ATP2B2: variants seen among roughly 807,000 people sequenced by gnomAD.
ATP2B2 encodes ATPase plasma membrane Ca2+ transporting 2, also known as plasma membrane calcium-transporting ATPase 2.
ATP2B2 carries 15 observed loss-of-function variants against 120.0 expected under a neutral mutation model. The observed-to-expected ratio is 0.12, with a 90% CI of 0.08 to 0.19. The LOEUF is 0.19. ATP2B2 is among the 10% of genes least tolerant of loss of function. The pLI, the probability that ATP2B2 is intolerant of heterozygous loss-of-function variation, is 1.00. For synonymous variants in ATP2B2, 694 were observed against 700.3 expected, an observed-to-expected ratio of 0.99 and a Z score of 0.14; for missense variants, 1,045 against 1,719.8, an observed-to-expected ratio of 0.61 and a Z score of 6.94.
chr3:10,704,758 T>A (rs977872500), intron 1 of ATP2B2, among the ~76,000 whole-genome samples: 10 of 152,306 alleles, frequency 6.6e-5, no homozygotes, highest in Admixed American at 3.9e-4. Context: ...CCAGTTTGAA[T>A]TAATGAAAAG....
intron 5 of ATP2B2, among the ~76,000 whole-genome samples, chr3:10,397,244 G>A (rs1032451490): frequency 5.3e-5 from 8 of 152,196 alleles, no homozygotes; most frequent in East Asian, 1.9e-4. Flanking sequence ...CAGAGCTCCC[G>A]GCTGCTCAGA....
chr3:10,510,638 CCAGAGGCCAAGGT>C (rs2066742657), intron 3 of ATP2B2, among the ~76,000 whole-genome samples: 1 of 152,246 alleles, frequency 6.6e-6, no homozygotes, highest in African/African-American at 2.4e-5. Flanking sequence ...TTCTGCAAGG[CCAGAGGCCAAGGT>C]CAGAGCCATG....
At chr3:10,415,704 G>T (rs993924174) in intron 2 of ATP2B2, among the ~76,000 whole-genome samples, 1 of 152,174 alleles carries the variant, frequency 6.6e-6, no homozygotes, top group Non-Finnish European at 1.5e-5. Flanking sequence ...AGAGATGAAT[G>T]GCGTTCGAGA....
At chr3:10,423,089 A>C (rs2063039770) in intron 2 of ATP2B2, among the ~76,000 whole-genome samples, 1 of 152,210 alleles carries the variant, frequency 6.6e-6, no homozygotes, top group Non-Finnish European at 1.5e-5. Context: ...GGCCCCTGAG[A>C]AAGGTTTACT....
At chr3:10,591,952 G>C (rs1388762722) in intron 2 of ATP2B2, among the ~76,000 whole-genome samples, 2 of 152,140 alleles carry the variant, frequency 1.3e-5, no homozygotes, top group Non-Finnish European at 2.9e-5. Flanking sequence ...AATTAATAGG[G>C]GTCAAGTTCT....
chr3:10,524,228 G>C (rs2067044274), intron 3 of ATP2B2, among the ~76,000 whole-genome samples: 1 of 152,192 alleles, frequency 6.6e-6, no homozygotes, highest in African/African-American at 2.4e-5. Context: ...CTTCAAGGGA[G>C]GGGGTGGGCT....
Position 10,476,259 on chromosome 3 carries a change from T to A in ATP2B2, c.-319-26397A>T, listed in dbSNP as rs189223194. Among the ~76,000 whole-genome samples the A allele has an allele frequency of 1.2e-4, 19 of 152,320 alleles. No homozygotes were observed. In the East Asian group the frequency reaches 3.5e-3, roughly 28 times the overall value. ...CCGTGGAGAGCTTCAGAAGGGGCCA[T>A]GAACCTACCAACATTCTTTGTAAGA... is the stretch of plus-strand genomic sequence containing the variant. On this transcript the variant is annotated intron_variant, in intron 1 of 22. Transcript: ENST00000360273.
At chr3:10,458,034 A>G (rs552511407) in intron 1 of ATP2B2, among the ~76,000 whole-genome samples, 2 of 152,168 alleles carry the variant, frequency 1.3e-5, no homozygotes, top group East Asian at 1.9e-4. Context: ...ATGGCAGGAA[A>G]AACCTTCCAT....
At chr3:10,620,905 C>T (rs78690354) in intron 1 of ATP2B2, among the ~76,000 whole-genome samples, 5,250 of 152,204 alleles carry the variant, frequency 0.034, 214 homozygotes, top group African/African-American at 0.095. Flanking sequence ...GGCAGGTATC[C>T]GGCACAGTAG....
At chr3:10,438,466 C>T (rs1207749138) in intron 2 of ATP2B2, among the ~76,000 whole-genome samples, 1 of 152,232 alleles carries the variant, frequency 6.6e-6, no homozygotes, top group African/African-American at 2.4e-5. Context: ...ACTGTACCTG[C>T]ATGTGACACT....
chr3:10,340,085 T>C lies in ATP2B2; in HGVS notation c.3237+157A>G, dbSNP rs565130432. Among the ~76,000 whole-genome samples, 2 of 152,328 alleles carry C rather than the reference T, an allele frequency of 1.3e-5. No homozygotes were observed. Among genetic ancestry groups the C allele is most frequent in the South Asian group, 2.1e-4 (1 of 4,826 alleles). On this transcript the variant is annotated intron_variant, in intron 21 of 22. Transcript: ENST00000360273. The surrounding 1 kb of genome is among the most constrained non-coding windows in gnomAD (Gnocchi z 5.0). Reference sequence around the variant, plus strand: ...AGCAGTAGTACCCAGACGACCAGTATAGGACCTGGGACAAACCCCCTTGCT... The same window carrying C: ...AGCAGTAGTACCCAGACGACCAGTACAGGACCTGGGACAAACCCCCTTGCT...
intron 8 of ATP2B2, among the ~76,000 whole-genome samples, chr3:10,383,959 C>T (rs1207717904): frequency 6.6e-6 from 1 of 152,170 alleles, no homozygotes; most frequent in Non-Finnish European, 1.5e-5. Flanking sequence ...TCTCTCTCAG[C>T]CATGGGTTTG....
At chr3:10,677,397 G>A (rs551983247) in intron 1 of ATP2B2, among the ~76,000 whole-genome samples, 2 of 152,344 alleles carry the variant, frequency 1.3e-5, no homozygotes, top group Non-Finnish European at 2.9e-5. Context: ...GGTCAACAGG[G>A]GTTGGGGGAA....
At chr3:10,688,992 G>C (rs1435802215) in intron 1 of ATP2B2, among the ~76,000 whole-genome samples, 1 of 152,256 alleles carries the variant, frequency 6.6e-6, no homozygotes, top group South Asian at 2.1e-4. Flanking sequence ...TGGGGAGGAG[G>C]GCAGGTCCAT....
intron 1 of ATP2B2, among the ~76,000 whole-genome samples, chr3:10,454,154 G>A (rs1575276801): frequency 6.6e-6 from 1 of 152,144 alleles, no homozygotes; most frequent in African/African-American, 2.4e-5. Flanking sequence ...TGCCCTCTAC[G>A]AGCCCACAGT....
intron 14 of ATP2B2, 45 bp from the exon 15 acceptor site, chr3:10,350,622 C>A (rs755302513): frequency 1.9e-6 from 3 of 1,590,510 alleles, no homozygotes; most frequent in East Asian, 4.5e-5. Flanking sequence ...CCACCTCAGG[C>A]AGACTCCCCC....
At chr3:10,351,476 G>C (rs1244130472) in intron 14 of ATP2B2, among the ~76,000 whole-genome samples, 4 of 152,240 alleles carry the variant, frequency 2.6e-5, no homozygotes, top group Non-Finnish European at 5.9e-5. Flanking sequence ...CAGCCTGTTA[G>C]AATCTCCAGC....
chr3:10,355,625 C>T (rs2060693463), intron 14 of ATP2B2, among the ~76,000 whole-genome samples: 2 of 152,118 alleles, frequency 1.3e-5, no homozygotes, highest in Non-Finnish European at 2.9e-5. Context: ...TGGCTCCAGG[C>T]CCCCCTTTCC....
At chr3:10,499,136 A>G (rs2066277395) in intron 1 of ATP2B2, among the ~76,000 whole-genome samples, 1 of 152,228 alleles carries the variant, frequency 6.6e-6, no homozygotes, top group Admixed American at 6.5e-5. Flanking sequence ...AAAGGAGGCC[A>G]CTTTCCATCA....
Sources: gnomAD v4.1 joint callset for allele counts (sites outside exome capture counted in the v4.1 genomes callset) on GRCh38, gnomAD v4.1.1 for gene constraint, Gnocchi (gnomAD v3.1) non-coding constraint, MANE v1.5 for transcripts, NCBI Gene and HGNC (gene_info 2026-07-23, HGNC 2026-07-21) for gene names.